The following LRMDA variants were observed in gnomAD, a reference collection of about 807,000 sequenced individuals.
The protein encoded by LRMDA is leucine-rich melanocyte differentiation-associated protein.
In LRMDA, 18 loss-of-function variants were observed where a neutral mutation model predicts 29.8. The observed-to-expected ratio is 0.60, with a 90% CI of 0.42 to 0.90. The LOEUF (loss-of-function observed/expected upper bound fraction) is 0.90, where lower values mean the gene tolerates loss of function less well. Ranked by LOEUF, LRMDA falls within the 40% of genes least tolerant of loss-of-function variation. The pLI is 0.00. For missense variants in LRMDA, 273 were observed against 273.9 expected (o/e 1.00, Z 0.02); for synonymous variants, 125 against 109.4 (o/e 1.14, Z -0.89).
At chr10:76,270,777 G>A (rs1277898446) in intron 5 of LRMDA, 1 of 152,146 alleles carries the variant, frequency 6.6e-6, no homozygotes. Context: ...CTCAGGAAGG[G>A]GTGCAGGTTG....
At chr10:76,491,460 A>T (rs896818598) in intron 6 of LRMDA, among the ~76,000 whole-genome samples, 3 of 151,822 alleles carry the variant, frequency 2.0e-5, no homozygotes, top group African/African-American at 7.2e-5. Flanking sequence ...TTCTAGCATA[A>T]AAGTTTTTTT....
chr10:76,477,913 A>G (rs181179623), intron 6 of LRMDA, among the ~76,000 whole-genome samples: 69 of 152,336 alleles, frequency 4.5e-4, no homozygotes, highest in African/African-American at 1.5e-3. Flanking sequence ...AAGATGGATT[A>G]AAGAGTTAAA....
intron 2 of LRMDA, among the ~76,000 whole-genome samples, chr10:75,578,027 C>T (rs950846417): frequency 1.3e-5 from 2 of 151,838 alleles, no homozygotes; most frequent in Non-Finnish European, 2.9e-5. Context: ...GGATCAGTTT[C>T]ACACATAACA....
intron 6 of LRMDA, among the ~76,000 whole-genome samples, chr10:76,429,711 A>G (rs1048074681): frequency 2.6e-5 from 4 of 152,310 alleles, no homozygotes; most frequent in African/African-American, 9.6e-5. Flanking sequence ...GTCCCCTTTC[A>G]CAGTGTCTTT....
intron 4 of LRMDA, among the ~76,000 whole-genome samples, chr10:76,056,884 G>A (rs1372183834): frequency 6.6e-6 from 1 of 152,128 alleles, no homozygotes; most frequent in African/African-American, 2.4e-5. Context: ...AGGAGGGCAT[G>A]GGGCTCCCAC....
intron 2 of LRMDA, among the ~76,000 whole-genome samples, chr10:75,637,161 C>T (rs1012603107): frequency 9.2e-5 from 14 of 152,172 alleles, no homozygotes; most frequent in African/African-American, 1.2e-4. Context: ...AACTGATAGA[C>T]GCTACAGTTT....
intron 2 of LRMDA, among the ~76,000 whole-genome samples, chr10:75,792,228 T>C (rs1250528485): frequency 6.7e-6 from 1 of 148,390 alleles, no homozygotes; most frequent in East Asian, 2.0e-4. Flanking sequence ...GTTCCAGGCC[T>C]TGGGGTTACA....
intron 2 of LRMDA, among the ~76,000 whole-genome samples, chr10:75,490,729 C>T (rs1050378916): frequency 3.3e-5 from 5 of 152,056 alleles, no homozygotes; most frequent in Non-Finnish European, 5.9e-5. Flanking sequence ...AATGTTTTTC[C>T]ATCTATGTGA....
intron 6 of LRMDA, among the ~76,000 whole-genome samples, chr10:76,545,178 TTTG>T (rs1830602003): frequency 7.6e-5 from 2 of 26,364 alleles, no homozygotes; most frequent in Admixed American, 3.6e-4. Flanking sequence ...TGTTTTTTAT[TTTG>T]TTTTTTTTTT....
chr10:76,328,469 AT>A (rs1350754641), intron 6 of LRMDA, among the ~76,000 whole-genome samples: 3 of 152,180 alleles, frequency 2.0e-5, no homozygotes, highest in Non-Finnish European at 2.9e-5. Flanking sequence ...ATTGCTGGGG[AT>A]GATGGAGCAA....
intron 6 of LRMDA, among the ~76,000 whole-genome samples, chr10:76,480,475 A>C (rs1450025042): frequency 1.3e-5 from 2 of 151,992 alleles, no homozygotes; most frequent in African/African-American, 4.8e-5. Flanking sequence ...CAATCCATAC[A>C]TTTCACAGAT....
At chr10:76,455,693 A>C (rs1322818336) in intron 6 of LRMDA, among the ~76,000 whole-genome samples, 1 of 152,196 alleles carries the variant, frequency 6.6e-6, no homozygotes, top group Non-Finnish European at 1.5e-5. Flanking sequence ...CAGCAGATGA[A>C]AGCATAAAAA....
chr10:76,410,826 C>T (rs112611616), intron 6 of LRMDA, among the ~76,000 whole-genome samples: 10 of 152,024 alleles, frequency 6.6e-5, no homozygotes, highest in Non-Finnish European at 1.2e-4. Flanking sequence ...TGGTGGTGAG[C>T]GCCTGTAATC....
chr10:76,489,838 A>G (rs1286128023), intron 6 of LRMDA, among the ~76,000 whole-genome samples: 2 of 150,754 alleles, frequency 1.3e-5, no homozygotes, highest in Non-Finnish European at 2.9e-5. Flanking sequence ...TTATATGTAT[A>G]TATATAGCTT....
At chr10:76,254,291 A>G (rs1420245862) in intron 5 of LRMDA, among the ~76,000 whole-genome samples, 1 of 95,544 alleles carries the variant, frequency 1.0e-5, no homozygotes, top group Non-Finnish European at 2.1e-5. Flanking sequence ...TTACTATACT[A>G]TACTATACTA....
intron 5 of LRMDA, among the ~76,000 whole-genome samples, chr10:76,066,477 G>A (rs1343145385): frequency 1.3e-5 from 2 of 151,764 alleles, no homozygotes; most frequent in African/African-American, 2.4e-5. Flanking sequence ...TTTTTCCCCC[G>A]GGTCTTCCTA....
intron 2 of LRMDA, among the ~76,000 whole-genome samples, chr10:75,930,342 C>T (rs957543064): frequency 6.6e-6 from 1 of 152,080 alleles, no homozygotes; most frequent in Non-Finnish European, 1.5e-5. Context: ...TGGGGAATTT[C>T]TCGGTGTCTT....
intron 2 of LRMDA, among the ~76,000 whole-genome samples, chr10:75,461,304 T>C (rs1002593274): frequency 1.3e-5 from 2 of 152,332 alleles, no homozygotes; most frequent in South Asian, 2.1e-4. Flanking sequence ...CTTCTCTGTG[T>C]CCCTGGATCT....
At chr10:75,536,305 T>C (rs1295437296) in intron 2 of LRMDA, among the ~76,000 whole-genome samples, 1 of 152,180 alleles carries the variant, frequency 6.6e-6, no homozygotes, top group Non-Finnish European at 1.5e-5. Context: ...ATATTGTATA[T>C]ATTCTCAAAC....
Sources: gnomAD v4.1 joint callset for allele counts (sites outside exome capture counted in the v4.1 genomes callset) on GRCh38, gnomAD v4.1.1 for gene constraint, MANE v1.5 for transcripts, NCBI Gene and HGNC (gene_info 2026-07-23, HGNC 2026-07-21) for gene names.